The following CACNA1C variants were observed in gnomAD, a reference collection of about 807,000 sequenced individuals.
CACNA1C encodes calcium voltage-gated channel subunit alpha1 C, also known as voltage-dependent L-type calcium channel subunit alpha-1C.
A neutral mutation model predicts 229.0 loss-of-function variants in CACNA1C; 30 were observed. The observed-to-expected ratio is 0.13, with a 90% CI of 0.10 to 0.18. The LOEUF (loss-of-function observed/expected upper bound fraction) is 0.18, where lower values mean the gene tolerates loss of function less well. Among genes scored for constraint, CACNA1C ranks in the 10% least tolerant of loss-of-function variants. CACNA1C has a pLI of 1.00. For synonymous variants in CACNA1C, 1,114 were observed against 1,132.5 expected (o/e 0.98, Z 0.33); for missense variants, 1,658 against 2,845.0 (o/e 0.58, Z 9.49).
intron 1 of CACNA1C, among the ~76,000 whole-genome samples, chr12:2,025,553 C>T (rs979470986): frequency 6.6e-6 from 1 of 152,170 alleles, no homozygotes; most frequent in Non-Finnish European, 1.5e-5. Flanking sequence ...CCTCCCAACA[C>T]AGTTTGGGCC....
At chr12:2,217,181 A>C (rs1392055246) in intron 3 of CACNA1C, among the ~76,000 whole-genome samples, 1 of 152,234 alleles carries the variant, frequency 6.6e-6, no homozygotes, top group Non-Finnish European at 1.5e-5. Context: ...GTATGATTCC[A>C]CTTATGTGAG....
At chr12:2,424,435 T>C (rs1045143292) in intron 3 of CACNA1C, among the ~76,000 whole-genome samples, 6 of 151,870 alleles carry the variant, frequency 4.0e-5, no homozygotes, top group Admixed American at 3.3e-4. Context: ...CATGGTTATT[T>C]TCACCCAGCA....
In CACNA1C at chr12:2,477,103, T is replaced by A. The variant is rs535943320; in HGVS notation, c.758-9001T>A. On this transcript the variant is annotated intron_variant, in intron 5 of 46. Transcript: ENST00000399655. ...ACCATTAAAAGTGTCTGTTACTTCATCAGCCAAATGAAGGCAGAAAACATG... is the reference window on the plus strand; with the variant it reads ...ACCATTAAAAGTGTCTGTTACTTCAACAGCCAAATGAAGGCAGAAAACATG... 3.9e-5 allele frequency among the ~76,000 whole-genome samples: 6 copies of A among 152,332 alleles called. No individual in the cohort carries two copies. The South Asian group carries it at 1.0e-3, about 26-fold the overall frequency.
At chr12:2,353,094 C>A (rs1365662219) in intron 3 of CACNA1C, among the ~76,000 whole-genome samples, 1 of 152,146 alleles carries the variant, frequency 6.6e-6, no homozygotes, top group Admixed American at 6.5e-5. Context: ...GCGAGGTCAC[C>A]TGTGGAATTG....
intron 3 of CACNA1C, among the ~76,000 whole-genome samples, chr12:2,406,583 TA>T (rs2098739724): frequency 1.3e-5 from 2 of 152,280 alleles, no homozygotes; most frequent in Admixed American, 1.3e-4. Context: ...TTGTTCTTTT[TA>T]CTTTTAAAAT....
In CACNA1C at chr12:2,630,974, C is replaced by T. The variant is rs147516630; in HGVS notation, c.3829-3323C>T. ...AAGAGGGGGCTGTGCCTTCTGTCTG[C>T]ACATATACAAAGAAATCTGGGAGAA... On this transcript the variant is annotated intron_variant, in intron 29 of 46. Transcript: ENST00000399655. The surrounding 1 kb of genome is among the most constrained non-coding windows in gnomAD (Gnocchi z 5.4). 3.5e-4 allele frequency among the ~76,000 whole-genome samples: 54 copies of T among 152,206 alleles called. No homozygotes were observed. Among genetic ancestry groups the T allele is most frequent in the Non-Finnish European group, 6.8e-4 (46 of 68,014 alleles).
chr12:2,151,767 C>G (rs114701575), intron 3 of CACNA1C, among the ~76,000 whole-genome samples: 140 of 152,304 alleles, frequency 9.2e-4, no homozygotes, highest in African/African-American at 3.1e-3. Context: ...GAGACACACA[C>G]GAAGCTTGTC....
At chr12:2,244,996 A>G (rs2072420746) in intron 3 of CACNA1C, among the ~76,000 whole-genome samples, 1 of 152,118 alleles carries the variant, frequency 6.6e-6, no homozygotes, top group Non-Finnish European at 1.5e-5. Context: ...TGGGGCTGTA[A>G]ATGCAATTCT....
In CACNA1C at chr12:2,521,767, G is replaced by T. The variant is rs966711878; in HGVS notation, c.1390+8783G>T. On this transcript the variant is annotated intron_variant, in intron 9 of 46. Transcript: ENST00000399655. The stretch of plus-strand genomic sequence containing the variant: ...CTCTCCCCTCACCTCTCTCCGCCTG[G>T]ACTCGCAGCCACCTTGCTGCCCTGC... 2.6e-5 allele frequency among the ~76,000 whole-genome samples: 4 copies of T among 152,150 alleles called. No homozygotes were observed. In the East Asian group the frequency reaches 7.8e-4, roughly 29 times the overall value.
At chr12:2,561,275 C>T (rs1386234586) in intron 11 of CACNA1C, among the ~76,000 whole-genome samples, 1 of 152,162 alleles carries the variant, frequency 6.6e-6, no homozygotes, top group Non-Finnish European at 1.5e-5. Context: ...GAACTCATTT[C>T]CTCTGGGGAC....
chr12:2,423,384 CA>C (rs1439022363), intron 3 of CACNA1C, among the ~76,000 whole-genome samples: 1 of 152,156 alleles, frequency 6.6e-6, no homozygotes, highest in African/African-American at 2.4e-5. Flanking sequence ...TGCCTGGGTT[CA>C]AGCACTTGCC....
intron 3 of CACNA1C, among the ~76,000 whole-genome samples, chr12:2,234,526 T>C (rs1198950432): frequency 6.6e-6 from 1 of 152,192 alleles, no homozygotes; most frequent in African/African-American, 2.4e-5. Flanking sequence ...TGGGCTCCTG[T>C]ATGCAGGCTC....
chr12:2,582,238 G>A (rs942168756), intron 14 of CACNA1C, among the ~76,000 whole-genome samples: 1 of 152,090 alleles, frequency 6.6e-6, no homozygotes, highest in Non-Finnish European at 1.5e-5. Flanking sequence ...CTTACTGGGG[G>A]AGGGGAGGGT....
chr12:2,634,418 G>A, intron 30 of CACNA1C, 38 bp downstream of exon 30: 2 of 1,040,918 alleles, frequency 1.9e-6, no homozygotes, highest in Non-Finnish European at 2.8e-6. Context: ...GTCCGTGCCT[G>A]CTCTAACACT....
At chr12:2,092,185 C>T (rs1230443411) in intron 1 of CACNA1C, among the ~76,000 whole-genome samples, 1 of 152,182 alleles carries the variant, frequency 6.6e-6, no homozygotes, top group Non-Finnish European at 1.5e-5. Flanking sequence ...GAATGAAGGG[C>T]GCGAAGGCAC....
At position 2,108,601 on chromosome 12, in the gene CACNA1C, T is replaced by C. The variant is rs2080219465; in HGVS notation, c.50-6623T>C. 6.6e-6 allele frequency among the ~76,000 whole-genome samples: 1 copy of C among 152,166 alleles called. No homozygotes were observed. Among genetic ancestry groups the C allele is most frequent in the Non-Finnish European group, 1.5e-5 (1 of 68,020 alleles). On this transcript the variant is annotated intron_variant, in intron 1 of 46. Coordinates refer to ENST00000399655, the MANE Select transcript of CACNA1C (RefSeq NM_000719.7). This position sits in a 1 kb window ranked among gnomAD's most constrained non-coding sequence, Gnocchi z 5.3. The stretch of plus-strand genomic sequence containing the variant: ...GCCCCTGCAGTCCAGCGGGGCACCG[T>C]AGGAGGAGGGTGGAAGAGCTGCTGA...
chr12:2,266,020 C>T (rs925097763), intron 3 of CACNA1C, among the ~76,000 whole-genome samples: 1 of 152,218 alleles, frequency 6.6e-6, no homozygotes, highest in African/African-American at 2.4e-5. Flanking sequence ...GAGATAAATG[C>T]CTCATCGTTG....
intron 1 of CACNA1C, among the ~76,000 whole-genome samples, chr12:1,972,842 G>T (rs1196748971): frequency 5.2e-4 from 79 of 152,224 alleles, no homozygotes; most frequent in Non-Finnish European, 1.0e-4. Context: ...GGGAGGGAGG[G>T]AGAGGGAGAA....
intron 9 of CACNA1C, among the ~76,000 whole-genome samples, chr12:2,523,586 G>GC (rs1433875699): frequency 6.6e-6 from 1 of 152,144 alleles, no homozygotes; most frequent in African/African-American, 2.4e-5. Flanking sequence ...GGGCCCCGGG[G>GC]GGGATCACTG....
Sources: allele counts gnomAD v4.1 joint callset (sites outside exome capture counted in the v4.1 genomes callset), GRCh38; gene constraint gnomAD v4.1.1; non-coding constraint Gnocchi (gnomAD v3.1); transcripts MANE v1.5; gene names NCBI Gene and HGNC (gene_info 2026-07-23, HGNC 2026-07-21).